Variants in NOS1 observed in about 807,000 individuals in gnomAD.
NOS1 encodes NOS type I.
Under a neutral mutation model 164.5 loss-of-function variants are expected in NOS1, and 51 were observed. That is an observed-to-expected ratio of 0.31 (90% CI 0.25 to 0.39). The LOEUF (loss-of-function observed/expected upper bound fraction) is 0.39, where lower values mean the gene tolerates loss of function less well. Among genes scored for constraint, NOS1 ranks in the 10% least tolerant of loss-of-function variants. The pLI, the probability that NOS1 is intolerant of heterozygous loss-of-function variation, is 1.00. For missense variants in NOS1, 1,362 were observed against 1,885.6 expected (o/e 0.72, Z 5.14); for synonymous variants, 719 against 745.8 (o/e 0.96, Z 0.59).
At chr12:117,236,292 G>C (rs2135945658) in intron 20 of NOS1, among the ~76,000 whole-genome samples, 1 of 152,220 alleles carries the variant, frequency 6.6e-6, no homozygotes, top group Non-Finnish European at 1.5e-5. Flanking sequence ...ATCAACACTT[G>C]AATAGCCCAA....
chr12:117,242,329 T>C (rs1313843065), intron 20 of NOS1, among the ~76,000 whole-genome samples: 2 of 152,224 alleles, frequency 1.3e-5, no homozygotes, highest in Admixed American at 6.5e-5. Flanking sequence ...GATGCTGTGG[T>C]ACAACGAACA....
chr12:117,224,972 A>C (rs747665597), intron 25 of NOS1, 44 bp downstream of exon 25: 2 of 1,612,972 alleles, frequency 1.2e-6, no homozygotes, highest in Non-Finnish European at 1.7e-6. Flanking sequence ...GGACCTCCCC[A>C]GGTCCGGGGG....
Position 117,331,204 on chromosome 12 carries a change from G to T in NOS1, c.-135C>A. 2 of 1,154,312 alleles carry T rather than the reference G, an allele frequency of 1.7e-6. No individual in the cohort carries two copies. The highest frequency in any genetic ancestry group is 2.4e-6 in the Non-Finnish European group (2 of 822,070). 71.5% of individuals were successfully genotyped at this position (1,154,312 alleles called of 1,614,324 possible). On this transcript the variant is annotated 5_prime_UTR_variant, in exon 2 of 29. In the 5' UTR this introduces an upstream ATG that the reference lacks. Transcript: ENST00000317775. The stretch of plus-strand genomic sequence containing the variant: ...GGTGACAGGTGCTGACAAGGCTTCA[G>T]CCCTCTCTGTCTTTGACGTCAGCTC...
chr12:117,229,602 ATCTG>A (rs374774517), intron 22 of NOS1, among the ~76,000 whole-genome samples: 31 of 149,134 alleles, frequency 2.1e-4, no homozygotes, highest in African/African-American at 7.6e-4. Context: ...CTATCTATCT[ATCTG>A]GAGACAGATT....
intron 1 of NOS1, among the ~76,000 whole-genome samples, chr12:117,335,527 G>A (rs1052623011): frequency 8.5e-5 from 13 of 152,052 alleles, no homozygotes; most frequent in African/African-American, 2.9e-4. Context: ...CAATGAGAGG[G>A]AGGAAGCCCA....
In NOS1 at chr12:117,264,619, CCTCT is replaced by C. The variant is rs534245665; in HGVS notation, c.2137-649_2137-646del. Among the ~76,000 whole-genome samples the C allele has an allele frequency of 2.8e-3, 361 of 127,664 alleles. 1 individual carries two copies. Among genetic ancestry groups the C allele is most frequent in the Middle Eastern group, 7.6e-3 (2 of 264 alleles). The allele number at this position is 127,664 out of a possible 152,430, so 83.8% of individuals were successfully genotyped here. On this transcript the variant is annotated intron_variant, in intron 12 of 28. Transcript: ENST00000317775. ...TTCCCTCCCTCCCTCCCCTTCTCTC[CCTCT>C]CTCTCTCCCTTTCCCCCCTCTCCCT... is the stretch of plus-strand genomic sequence containing the variant.
rs900569329 is a variant in NOS1 at position 117,310,082 on chromosome 12, A to AT, written c.852+1383dup. On this transcript the variant is annotated intron_variant, in intron 3 of 28. Transcript: ENST00000317775. Reference sequence around the variant, plus strand: ...CCACCATACCCAGCTAATTTTTGTTATTTTTTTTAGAGATAGGGTTTTGCC... The same window carrying AT: ...CCACCATACCCAGCTAATTTTTGTTATTTTTTTTTAGAGATAGGGTTTTGCC... 1.2e-3 allele frequency among the ~76,000 whole-genome samples: 183 copies of AT among 151,776 alleles called. 2 individuals carry two copies. The highest frequency in any genetic ancestry group is 4.2e-3 in the African/African-American group (173 of 41,362).
At chr12:117,224,306 G>T (rs1868456964) in intron 25 of NOS1, among the ~76,000 whole-genome samples, 1 of 151,806 alleles carries the variant, frequency 6.6e-6, no homozygotes, top group East Asian at 1.9e-4. Flanking sequence ...TTTTTTCTCA[G>T]ACGGAGTCTC....
At chr12:117,219,624 C>T (rs11068418) in intron 27 of NOS1, among the ~76,000 whole-genome samples, 4,028 of 152,026 alleles carry the variant, frequency 0.026, 132 homozygotes, top group African/African-American at 0.069. Context: ...GTTTTAAACT[C>T]TCTTCTGCAA....
At chr12:117,347,239 A>T (rs1593040893) in intron 1 of NOS1, among the ~76,000 whole-genome samples, 1 of 151,944 alleles carries the variant, frequency 6.6e-6, no homozygotes, top group South Asian at 2.1e-4. Flanking sequence ...GTGAGCCAAG[A>T]TCGCGCCACT....
intron 2 of NOS1, among the ~76,000 whole-genome samples, chr12:117,326,396 A>AC (rs57664253): frequency 0.45 from 14,431 of 31,994 alleles, 2,261 homozygotes; most frequent in African/African-American, 0.53. Context: ...AAAAAAAAAA[A>AC]AAAAACAAAA....
intron 17 of NOS1, among the ~76,000 whole-genome samples, chr12:117,247,851 C>A (rs1015876953): frequency 6.6e-6 from 1 of 150,760 alleles, no homozygotes; most frequent in Non-Finnish European, 1.5e-5. Context: ...GAGGCTGAGG[C>A]AGGAGAATGG....
chr12:117,265,661 T>C, intron 11 of NOS1, 151 bp from the exon 12 acceptor site: 1 of 506,980 alleles, frequency 2.0e-6, no homozygotes, highest in Non-Finnish European at 3.3e-6. Context: ...CTGCATTTCT[T>C]GTCCAGTCCT....
chr12:117,268,035 G>A lies in NOS1; in HGVS notation c.1941+8C>T, dbSNP rs200099765. 409 of 1,598,930 alleles carry A rather than the reference G, an allele frequency of 2.6e-4. 2 individuals are homozygous for A. Among genetic ancestry groups the A allele is most frequent in the Non-Finnish European group, 3.1e-4 (356 of 1,166,804 alleles). On this transcript the variant is annotated splice_region_variant and intron_variant, in intron 11 of 28. Coordinates refer to ENST00000317775, the MANE Select transcript of NOS1 (RefSeq NM_000620.5). ...GCTTGACCCTGGTGGTGCGGGCCCT[G>A]GTGTTACCTGGAAGCTATAGAGAAC...
chr12:117,209,015 G>A lies in NOS1; in HGVS notation c.*6294C>T, dbSNP rs1032256151. The stretch of plus-strand genomic sequence containing the variant: ...TGTGATTACAGGCATGAGCCACCAC[G>A]CCTGGCCTGGGAGGGGTTTTTGAAA... On this transcript the variant is annotated 3_prime_UTR_variant, in exon 29 of 29. Coordinates refer to ENST00000317775, the MANE Select transcript of NOS1 (RefSeq NM_000620.5). The A allele has an allele frequency of 3.0e-5, 30 of 983,924 alleles. No individual in the cohort carries two copies. Among genetic ancestry groups the A allele is most frequent in the African/African-American group, 5.3e-5 (3 of 56,988 alleles). 60.9% of individuals were successfully genotyped at this position (983,924 alleles called of 1,614,324 possible).
chr12:117,243,405 C>T lies in NOS1; in HGVS notation c.2854G>A (p.Asp952Asn), dbSNP rs759853470. Reference protein sequence around the residue: ...AACDVFCVGDDVNIEKANNSL... With the variant: ...AACDVFCVGDNVNIEKANNSL... Reference sequence around the variant, plus strand: ...TTGTTGGCCTTTTCAATGTTGACATCATCTCCCACACAGAAGACATCACAG... The same window carrying T: ...TTGTTGGCCTTTTCAATGTTGACATTATCTCCCACACAGAAGACATCACAG... The change falls in exon 19 of 29, where the codon GAT (aspartate) becomes AAT (asparagine). Residue 952 changes from aspartate (D) to asparagine (N), a missense_variant. Asp to Asn is a conservative substitution (Grantham distance 23, BLOSUM62 1). This residue lies in a region of NOS1 where 737 missense variants were observed against 1,030.3 expected (regional missense o/e 0.72). Coordinates refer to ENST00000317775, the MANE Select transcript of NOS1 (RefSeq NM_000620.5). This position sits in a 1 kb window ranked among gnomAD's most constrained non-coding sequence, Gnocchi z 4.3. The T allele has an allele frequency of 1.9e-6, 3 of 1,614,142 alleles. No homozygotes were observed. Among genetic ancestry groups the T allele is most frequent in the Non-Finnish European group, 2.5e-6 (3 of 1,180,024 alleles).
At chr12:117,220,774 C>T (rs919802412) in intron 26 of NOS1, among the ~76,000 whole-genome samples, 17 of 151,932 alleles carry the variant, frequency 1.1e-4, no homozygotes, top group Non-Finnish European at 1.6e-4. Context: ...GCTGCTGTAG[C>T]GATAGCAGAA....
rs185902028 is a variant in NOS1, at chr12:117,231,323, A to C, written c.3405+639T>G. 5.3e-3 allele frequency among the ~76,000 whole-genome samples: 804 copies of C among 151,282 alleles called. 3 individuals are homozygous for C. The highest frequency in any genetic ancestry group is 0.041 in the Middle Eastern group (12 of 294). ...AGAGAGTGAGACTCTGTCTCAGAGAAAAAAAAAAAGAATAAGATCTAGTAT... is the reference window on the plus strand; with the variant it reads ...AGAGAGTGAGACTCTGTCTCAGAGACAAAAAAAAAGAATAAGATCTAGTAT... On this transcript the variant is annotated intron_variant, in intron 22 of 28. Coordinates refer to ENST00000317775, the MANE Select transcript of NOS1 (RefSeq NM_000620.5).
intron 10 of NOS1, among the ~76,000 whole-genome samples, 158 bp from the exon 11 acceptor site, chr12:117,268,302 C>G (rs982591630): frequency 6.6e-6 from 1 of 152,094 alleles, no homozygotes; most frequent in South Asian, 2.1e-4. Context: ...GTGATCTTGG[C>G]TCACTGCAAC....
Sources: allele counts gnomAD v4.1 joint callset (sites outside exome capture counted in the v4.1 genomes callset), GRCh38; gene constraint gnomAD v4.1.1; regional missense constraint gnomAD v4.1.1; non-coding constraint Gnocchi (gnomAD v3.1); transcripts MANE v1.5; gene names NCBI Gene and HGNC (gene_info 2026-07-23, HGNC 2026-07-21).